The following ZNF331 variants were observed in gnomAD, a reference collection of about 807,000 sequenced individuals.
ZNF331 encodes C2H2-like zinc finger protein rearranged in thyroid adenomas.
ZNF331 carries 2 observed loss-of-function variants against 7.0 expected under a neutral mutation model. The observed-to-expected ratio is 0.29, with a 90% CI of 0.12 to 0.90. The LOEUF (loss-of-function observed/expected upper bound fraction) is 0.90, where lower values mean the gene tolerates loss of function less well. Among genes scored for constraint, ZNF331 ranks in the 40% least tolerant of loss-of-function variants. The pLI is 0.58. For missense variants in ZNF331, 432 were observed against 587.7 expected (o/e 0.74, Z 2.74); for synonymous variants, 196 against 205.4 (o/e 0.95, Z 0.39).
chr19:53,562,850 T>C (rs2089962300), intron 3 of ZNF331, among the ~76,000 whole-genome samples: 1 of 151,572 alleles, frequency 6.6e-6, no homozygotes, highest in Admixed American at 6.6e-5. Flanking sequence ...TAGCCGGGCA[T>C]GGTGACGCAT....
At chr19:53,553,292 C>G (rs78631395) in intron 2 of ZNF331, among the ~76,000 whole-genome samples, 1 of 98,362 alleles carries the variant, frequency 1.0e-5, no homozygotes. Flanking sequence ...AACTCCATCT[C>G]AAAAAAAAAA....
intron 5 of ZNF331, among the ~76,000 whole-genome samples, chr19:53,574,937 CT>C (rs11354144): frequency 0.3 from 35,637 of 119,092 alleles, 4,085 homozygotes; most frequent in African/African-American, 0.42. Flanking sequence ...TTTTTCTTTT[CT>C]TTTTTTTTTT....
chr19:53,512,092 A>T, the ZNF331 span: 2 of 152,264 alleles, frequency 1.3e-5, no homozygotes, highest in Non-Finnish European at 2.9e-5. Flanking sequence ...TGGGCACCTC[A>T]TCTCAAGCCC....
intron 2 of ZNF331, among the ~76,000 whole-genome samples, chr19:53,526,999 A>AC (rs2087327788): frequency 6.6e-6 from 1 of 151,134 alleles, no homozygotes; most frequent in Admixed American, 6.6e-5. Flanking sequence ...GACCAGCCTG[A>AC]CCAACATGGT....
Position 53,571,493 on chromosome 19 carries a change from G to A in ZNF331, c.10-111G>A, listed in dbSNP as rs3746301. On this transcript the variant is annotated intron_variant, in intron 4 of 5. Transcript: ENST00000449416. The surrounding 1 kb of genome is among the most constrained non-coding windows in gnomAD (Gnocchi z 4.7). ...TTACCGCCCCTTGCCGATGTCACGG[G>A]TGTTCAGTCTGCTCACGGTGTTCAC... 355,381 of 1,382,314 alleles carry A rather than the reference G, an allele frequency of 0.26. 47,983 individuals are homozygous for A. The highest frequency in any genetic ancestry group is 0.31 in the Middle Eastern group (1,505 of 4,824). The allele number at this position is 1,382,314 out of a possible 1,614,324, so 85.6% of individuals were successfully genotyped here. A position where few individuals can be genotyped will look rare whatever the true frequency, so the allele number is the denominator to read the frequency against.
At chr19:53,559,527 TAC>T (rs913730766) in intron 3 of ZNF331, among the ~76,000 whole-genome samples, 11 of 147,092 alleles carry the variant, frequency 7.5e-5, no homozygotes, top group South Asian at 2.2e-4. Flanking sequence ...TACACACATA[TAC>T]ACACACGCCA....
At chr19:53,556,727 C>T (rs8100231) in intron 3 of ZNF331, among the ~76,000 whole-genome samples, 6,381 of 151,956 alleles carry the variant, frequency 0.042, 430 homozygotes, top group African/African-American at 0.14. Flanking sequence ...AACCTCAGCC[C>T]CCTGGGCTCA....
chr19:53,519,781 C>T (rs1415757213), upstream of ZNF331, among the ~76,000 whole-genome samples: 3 of 152,148 alleles, frequency 2.0e-5, no homozygotes, highest in Admixed American at 6.5e-5. Flanking sequence ...CAGGTCACTC[C>T]CGTGGAACCT....
chr19:53,557,611 G>A (rs558325765), intron 3 of ZNF331, among the ~76,000 whole-genome samples: 3 of 152,278 alleles, frequency 2.0e-5, no homozygotes, highest in Non-Finnish European at 1.5e-5. Flanking sequence ...CAGGGTCAGT[G>A]TGTACAAAAC....
At chr19:53,546,820 G>A (rs1020023810) in intron 2 of ZNF331, among the ~76,000 whole-genome samples, 2 of 152,178 alleles carry the variant, frequency 1.3e-5, no homozygotes, top group Admixed American at 1.3e-4. Flanking sequence ...GCAGTAAATC[G>A]AAATTTGTTC....
intron 2 of ZNF331, among the ~76,000 whole-genome samples, chr19:53,525,343 A>C (rs370496167): frequency 1.3e-5 from 2 of 152,258 alleles, no homozygotes; most frequent in African/African-American, 4.8e-5. Context: ...TGAATCTATA[A>C]ATTACCTTGG....
At chr19:53,548,085 A>G (rs998175394) in intron 2 of ZNF331, among the ~76,000 whole-genome samples, 1 of 151,324 alleles carries the variant, frequency 6.6e-6, no homozygotes, top group African/African-American at 2.4e-5. Flanking sequence ...ACATGCCATC[A>G]TGCCCGGCTA....
intron 5 of ZNF331, among the ~76,000 whole-genome samples, chr19:53,576,478 G>A (rs566041795): frequency 8.4e-4 from 128 of 152,204 alleles, no homozygotes; most frequent in African/African-American, 3.0e-3. Context: ...CTAATTGTCG[G>A]GACCTTTTTC....
chr19:53,543,950 C>T (rs1035722770), intron 2 of ZNF331, among the ~76,000 whole-genome samples: 5 of 152,104 alleles, frequency 3.3e-5, no homozygotes, highest in Non-Finnish European at 4.4e-5. Context: ...TTTCTCAAGC[C>T]AGACGCGGTG....
chr19:53,562,221 A>C (rs1452645282), intron 3 of ZNF331, among the ~76,000 whole-genome samples: 1 of 152,160 alleles, frequency 6.6e-6, no homozygotes, highest in Non-Finnish European at 1.5e-5. Context: ...GTAATCACTG[A>C]TAAATTCTAA....
rs995901628 is a variant in ZNF331 at position 53,573,621 on chromosome 19, C to T, written c.136+1891C>T. Among the ~76,000 whole-genome samples the T allele has an allele frequency of 9.2e-5, 14 of 152,092 alleles. No individual in the cohort carries two copies. In the South Asian group the frequency reaches 1.7e-3, roughly 18 times the overall value. ...TAGCAGGGACCACAGGTGCACACCACGACACCCGGCTAATTGTTGTGTTTT... is the reference window on the plus strand; with the variant it reads ...TAGCAGGGACCACAGGTGCACACCATGACACCCGGCTAATTGTTGTGTTTT... On this transcript the variant is annotated intron_variant, in intron 5 of 5. Coordinates refer to ENST00000449416, the MANE Select transcript of ZNF331 (RefSeq NM_001079906.2). The surrounding 1 kb of genome is among the most constrained non-coding windows in gnomAD (Gnocchi z 4.2).
Position 53,526,543 on chromosome 19 carries a change from C to A in ZNF331, c.-205+3859C>A, listed in dbSNP as rs73049557. 2.7e-5 allele frequency among the ~76,000 whole-genome samples: 4 copies of A among 147,504 alleles called. No homozygotes were observed. In the East Asian group the frequency reaches 7.9e-4, roughly 29 times the overall value. On this transcript the variant is annotated intron_variant, in intron 2 of 6. Coordinates refer to the ZNF331 transcript ENST00000253144. ...TCTTCTACATTATTCAATTTTTTGGCGTAGAAATTTTTTTTTTCTTTTTTT... is the reference window on the plus strand; with the variant it reads ...TCTTCTACATTATTCAATTTTTTGGAGTAGAAATTTTTTTTTTCTTTTTTT...
At chr19:53,532,108 T>A (rs1446131356) in intron 2 of ZNF331, among the ~76,000 whole-genome samples, 1 of 152,206 alleles carries the variant, frequency 6.6e-6, no homozygotes, top group African/African-American at 2.4e-5. Flanking sequence ...TAGTTATCAT[T>A]TTTGTGATTA....
intron 3 of ZNF331, among the ~76,000 whole-genome samples, chr19:53,559,372 C>A (rs1016196347): frequency 7.4e-5 from 11 of 148,576 alleles, no homozygotes; most frequent in African/African-American, 2.8e-4. Context: ...TATACACACA[C>A]ACCCCATATA....
Sources: allele counts gnomAD v4.1 joint callset (sites outside exome capture counted in the v4.1 genomes callset), GRCh38; gene constraint gnomAD v4.1.1; non-coding constraint Gnocchi (gnomAD v3.1); transcripts MANE v1.5; gene names NCBI Gene and HGNC (gene_info 2026-07-23, HGNC 2026-07-21).